MTUS2: variants seen among roughly 807,000 people sequenced by gnomAD.
MTUS2 encodes microtubule-associated tumor suppressor candidate 2.
Under a neutral mutation model 114.1 loss-of-function variants are expected in MTUS2, and 40 were observed. That is an observed-to-expected ratio of 0.35 (90% CI 0.27 to 0.46). The LOEUF (loss-of-function observed/expected upper bound fraction) is 0.46, where lower values mean the gene tolerates loss of function less well. MTUS2 is among the 20% of genes least tolerant of loss of function. The pLI is 1.00. For missense variants in MTUS2, 1,679 were observed against 1,705.4 expected, an observed-to-expected ratio of 0.98 and a Z score of 0.27; for synonymous variants, 688 against 672.0, an observed-to-expected ratio of 1.02 and a Z score of -0.37.
At chr13:29,155,450 C>T (rs1020564285) in intron 5 of MTUS2, among the ~76,000 whole-genome samples, 1 of 152,168 alleles carries the variant, frequency 6.6e-6, no homozygotes, top group Non-Finnish European at 1.5e-5. Context: ...TGTTGTGTCT[C>T]CTCATTCAAC....
intron 2 of MTUS2, among the ~76,000 whole-genome samples, chr13:29,013,946 G>A (rs1313031478): frequency 6.6e-6 from 1 of 152,146 alleles, no homozygotes; most frequent in Non-Finnish European, 1.5e-5. Flanking sequence ...TTTTATTAGT[G>A]ATTAACTATA....
intron 7 of MTUS2, among the ~76,000 whole-genome samples, chr13:29,354,479 G>A (rs1355233058): frequency 6.6e-6 from 1 of 152,040 alleles, no homozygotes. Flanking sequence ...TGTATGCCAC[G>A]TTTTATCTTG....
intron 5 of MTUS2, among the ~76,000 whole-genome samples, chr13:29,185,450 G>A (rs1407055366): frequency 6.6e-6 from 1 of 152,134 alleles, no homozygotes; most frequent in Non-Finnish European, 1.5e-5. Flanking sequence ...ACTCCACATA[G>A]CATAAACTCA....
Position 29,472,397 on chromosome 13 carries a change from A to AT in MTUS2, c.3185-7751dup, listed in dbSNP as rs1164791005. On this transcript the variant is annotated intron_variant, in intron 9 of 15. Coordinates refer to ENST00000612955, the MANE Select transcript of MTUS2 (RefSeq NM_001033602.4). ...TTAACATTGTCATCAAAAATCAGTA[A>AT]TTAGAGAGAGTAGGGCTCTACAGGG... Among the ~76,000 whole-genome samples, 3 of 152,122 alleles carry AT rather than the reference A, an allele frequency of 2.0e-5. No individual in the cohort carries two copies. In the East Asian group the frequency reaches 5.8e-4, roughly 29 times the overall value.
In MTUS2 at chr13:28,940,388, A is replaced by G. The variant is rs148243962; in HGVS notation, c.-242-84069A>G. On this transcript the variant is annotated intron_variant, in intron 2 of 15. Transcript: ENST00000612955. Reference sequence around the variant, plus strand: ...AAAAGGTCACATATTGTATAATTCCATTTATATGGAATATACAAAATAGGT... The same window carrying G: ...AAAAGGTCACATATTGTATAATTCCGTTTATATGGAATATACAAAATAGGT... Among the ~76,000 whole-genome samples, 1,209 of 152,348 alleles carry G rather than the reference A, an allele frequency of 7.9e-3. 20 individuals carry two copies. Among genetic ancestry groups the G allele is most frequent in the African/African-American group, 0.028 (1,157 of 41,592 alleles).
At chr13:29,273,148 C>A (rs1434907634) in intron 5 of MTUS2, among the ~76,000 whole-genome samples, 1 of 152,118 alleles carries the variant, frequency 6.6e-6, no homozygotes. Flanking sequence ...ACATTCAAAC[C>A]ATAACAGTAA....
chr13:28,833,184 A>C (rs1166413364), intron 1 of MTUS2, among the ~76,000 whole-genome samples: 2 of 152,160 alleles, frequency 1.3e-5, no homozygotes, highest in South Asian at 2.1e-4. Context: ...TTTTTCAAGA[A>C]GGTAGACAAG....
chr13:28,974,058 A>G (rs865967812), intron 2 of MTUS2, among the ~76,000 whole-genome samples: 2 of 151,916 alleles, frequency 1.3e-5, no homozygotes, highest in East Asian at 1.9e-4. Context: ...CTCTCTCCCA[A>G]TTTTCTTGTT....
intron 5 of MTUS2, among the ~76,000 whole-genome samples, chr13:29,149,428 T>G (rs1178040390): frequency 6.6e-6 from 1 of 152,232 alleles, no homozygotes; most frequent in African/African-American, 2.4e-5. Flanking sequence ...ATATTAGTCC[T>G]TTGTCAGATG....
rs776450694 is a variant in MTUS2 at position 29,281,904 on chromosome 13, G to T, written c.2806+39G>T. On this transcript the variant is annotated intron_variant, in intron 6 of 15. Transcript: ENST00000612955. ...CCTTGGAGAGGCTCCATGGTGGAGT[G>T]CCCTTTCTGCATTAATAAAAAGTCT... 4 of 1,525,052 alleles carry T rather than the reference G, an allele frequency of 2.6e-6. No homozygotes were observed. The East Asian group carries it at 9.2e-5, about 35-fold the overall frequency. 94.5% of individuals were successfully genotyped at this position (1,525,052 alleles called of 1,614,324 possible). A position where few individuals can be genotyped will look rare whatever the true frequency, so the allele number is the denominator to read the frequency against.
intron 5 of MTUS2, among the ~76,000 whole-genome samples, chr13:29,103,615 A>T (rs568563293): frequency 4.7e-4 from 71 of 152,274 alleles, no homozygotes; most frequent in South Asian, 2.3e-3. Flanking sequence ...TATGTGATAA[A>T]CCAGGGCTAT....
chr13:29,007,827 T>G (rs974567333), intron 2 of MTUS2, among the ~76,000 whole-genome samples: 1 of 152,248 alleles, frequency 6.6e-6, no homozygotes, highest in Non-Finnish European at 1.5e-5. Flanking sequence ...ACTGTTTATG[T>G]TATCCATAAG....
chr13:29,112,401 T>C (rs941968643), intron 5 of MTUS2, among the ~76,000 whole-genome samples: 1 of 152,062 alleles, frequency 6.6e-6, no homozygotes, highest in Non-Finnish European at 1.5e-5. Context: ...TGTTTTGATA[T>C]TGAGGAGAAT....
chr13:29,207,364 G>T (rs1402270499), intron 5 of MTUS2, among the ~76,000 whole-genome samples: 3 of 152,012 alleles, frequency 2.0e-5, no homozygotes, highest in Non-Finnish European at 4.4e-5. Flanking sequence ...TTATATCATT[G>T]GTGAACAGCG....
rs58873985 is a variant in MTUS2 at position 28,946,272 on chromosome 13, C to CGT, written c.-242-78153_-242-78152dup. 5.5e-3 allele frequency among the ~76,000 whole-genome samples: 820 copies of CGT among 149,226 alleles called. 2 individuals are homozygous for CGT. Among genetic ancestry groups the CGT allele is most frequent in the Middle Eastern group, 0.017 (5 of 292 alleles). On this transcript the variant is annotated intron_variant, in intron 2 of 15. Transcript: ENST00000612955. The stretch of plus-strand genomic sequence containing the variant: ...TTCCTGGTATCTCTCTTTCTGTCTG[C>CGT]GTGTGTGTGTGTGTGTGTGTGTGTG...
At chr13:29,316,448 G>C (rs1183198681) in intron 6 of MTUS2, among the ~76,000 whole-genome samples, 1 of 152,158 alleles carries the variant, frequency 6.6e-6, no homozygotes, top group Non-Finnish European at 1.5e-5. Context: ...AAAACAAATG[G>C]CTTAAGCCAT....
rs149273099 is a variant in MTUS2 at position 29,072,943 on chromosome 13, C to T, written c.2447-27830C>T. Among the ~76,000 whole-genome samples, 581 of 152,300 alleles carry T rather than the reference C, an allele frequency of 3.8e-3. 3 individuals carry two copies. Among genetic ancestry groups the T allele is most frequent in the Middle Eastern group, 0.014 (4 of 294 alleles). The stretch of plus-strand genomic sequence containing the variant: ...TGACATTTGCAGCATTTATATATGA[C>T]TTGTACCTTACCTTTTGCTAATTTC... On this transcript the variant is annotated intron_variant, in intron 4 of 15. Coordinates refer to ENST00000612955, the MANE Select transcript of MTUS2 (RefSeq NM_001033602.4).
chr13:29,301,173 C>G (rs549234394), intron 6 of MTUS2, among the ~76,000 whole-genome samples: 10 of 152,342 alleles, frequency 6.6e-5, no homozygotes, highest in African/African-American at 2.4e-4. Flanking sequence ...CCACCCCGAA[C>G]TGTTGGTGGT....
chr13:29,369,118 G>A (rs1593358923), intron 8 of MTUS2, among the ~76,000 whole-genome samples: 1 of 151,692 alleles, frequency 6.6e-6, no homozygotes, highest in Non-Finnish European at 1.5e-5. Flanking sequence ...CAGGCAGCGG[G>A]AAAAAAAAGG....
Sources: gnomAD v4.1 joint callset for allele counts (sites outside exome capture counted in the v4.1 genomes callset) on GRCh38, gnomAD v4.1.1 for gene constraint, MANE v1.5 for transcripts, NCBI Gene and HGNC (gene_info 2026-07-23, HGNC 2026-07-21) for gene names.